TUBGCP5: variants seen among roughly 807,000 people sequenced by gnomAD.
TUBGCP5 encodes gamma-tubulin complex component 5.
A neutral mutation model predicts 134.7 loss-of-function variants in TUBGCP5; 98 were observed. That is an observed-to-expected ratio of 0.73 (90% confidence interval 0.62 to 0.86). The LOEUF is 0.86. TUBGCP5 is among the 40% of genes least tolerant of loss of function. The probability of loss-of-function intolerance (pLI) is 0.00; values close to 1 mark genes in which losing one functional copy is unlikely to be tolerated. For missense variants in TUBGCP5, 1,150 were observed against 1,244.8 expected, an observed-to-expected ratio of 0.92 and a Z score of 1.15; for synonymous variants, 456 against 431.4, an observed-to-expected ratio of 1.06 and a Z score of -0.71.
At chr15:23,000,732 A>T in intron 21 of TUBGCP5, 63 bp from the exon 22 acceptor site, 1 of 1,196,698 alleles carries the variant, frequency 8.4e-7, no homozygotes, top group Non-Finnish European at 1.2e-6. Context: ...AGGCTTCAAG[A>T]TATCTGTGGA....
At position 23,013,330 on chromosome 15, in the gene TUBGCP5, G is replaced by A. The variant is rs1191865723; in HGVS notation, c.1757-1999C>T. On this transcript the variant is annotated intron_variant, in intron 13 of 22. Transcript: ENST00000615383. The surrounding 1 kb of genome is among the most constrained non-coding windows in gnomAD (Gnocchi z 4.5). ...TAGCCGGGCACGGTGGTGTGCGCCTGTAGTCCCAGCTGCTGGGGAGGCTGA... is the reference window on the plus strand; with the variant it reads ...TAGCCGGGCACGGTGGTGTGCGCCTATAGTCCCAGCTGCTGGGGAGGCTGA... 2.0e-5 allele frequency among the ~76,000 whole-genome samples: 3 copies of A among 151,848 alleles called. No individual in the cohort carries two copies. The highest frequency in any genetic ancestry group is 6.6e-5 in the Admixed American group (1 of 15,258).
At chr15:23,035,562 T>C (rs1348773485) in intron 3 of TUBGCP5, among the ~76,000 whole-genome samples, 3 of 152,086 alleles carry the variant, frequency 2.0e-5, no homozygotes, top group Non-Finnish European at 4.4e-5. Context: ...TTTGCTCTCC[T>C]ATGAGAATCT....
At chr15:23,009,386 A>C (rs1045059929) in intron 15 of TUBGCP5, among the ~76,000 whole-genome samples, 1 of 151,272 alleles carries the variant, frequency 6.6e-6, no homozygotes, top group Non-Finnish European at 1.5e-5. Flanking sequence ...CTCCTGCCCC[A>C]GCCTCCAGAG....
chr15:23,012,856 C>G (rs548276152), intron 13 of TUBGCP5, among the ~76,000 whole-genome samples: 1 of 152,264 alleles, frequency 6.6e-6, no homozygotes, highest in African/African-American at 2.4e-5. Flanking sequence ...CTTGTAATCC[C>G]AGCACTTTAA....
At chr15:23,023,727 A>G (rs2065837419) in intron 10 of TUBGCP5, 2 of 426,832 alleles carry the variant, frequency 4.7e-6, no homozygotes, top group Non-Finnish European at 8.2e-6. Context: ...CTGGTGCAGG[A>G]AGAATAATTT....
intron 18 of TUBGCP5, 73 bp from the exon 19 acceptor site, chr15:23,005,683 C>G: frequency 6.8e-7 from 1 of 1,462,520 alleles, no homozygotes; most frequent in Non-Finnish European, 9.4e-7. Flanking sequence ...TGACGCCTGG[C>G]AGAAACACTG....
chr15:23,003,643 T>G (rs866142478), intron 20 of TUBGCP5, among the ~76,000 whole-genome samples: 17 of 111,762 alleles, frequency 1.5e-4, no homozygotes, highest in East Asian at 6.8e-4. Context: ...TTTTTTTTTT[T>G]TTTTTTTTTT....
At position 22,988,490 on chromosome 15, in the gene TUBGCP5, T is replaced by C. The variant is rs143355221; in HGVS notation, c.*62-4879A>G. 9.6e-4 allele frequency among the ~76,000 whole-genome samples: 145 copies of C among 151,652 alleles called. No individual in the cohort carries two copies. In the East Asian group the frequency reaches 0.015, roughly 15 times the overall value. ...GGCTGAAGCCTGTAATCCCAGCACT[T>C]TGGGAGGCCAAGGCGGGCGTATCAC... On this transcript the variant is annotated intron_variant and NMD_transcript_variant, in intron 23 of 23. Transcript: ENST00000614508.
Position 23,013,249 on chromosome 15 carries a change from G to A in TUBGCP5, c.1757-1918C>T, listed in dbSNP as rs965174591. ...GGGCGGATCATGAGGTCAGGGGATC[G>A]AGACCATACTGGCTAGTATGGTAAA... On this transcript the variant is annotated intron_variant, in intron 13 of 22. Coordinates refer to ENST00000615383, the MANE Select transcript of TUBGCP5 (RefSeq NM_052903.6). This position sits in a 1 kb window ranked among gnomAD's most constrained non-coding sequence, Gnocchi z 4.5. Among the ~76,000 whole-genome samples the A allele has an allele frequency of 6.6e-6, 1 of 151,874 alleles. No homozygotes were observed. The highest frequency in any genetic ancestry group is 2.4e-5 in the African/African-American group (1 of 41,322).
downstream of TUBGCP5, among the ~76,000 whole-genome samples, chr15:22,998,095 A>T (rs1176092423): frequency 6.6e-6 from 1 of 151,990 alleles, no homozygotes. Context: ...CGGGTGGATC[A>T]CCTGAGGCCA....
At chr15:23,032,236 T>G (rs1387063280) in intron 4 of TUBGCP5, among the ~76,000 whole-genome samples, 2 of 152,188 alleles carry the variant, frequency 1.3e-5, no homozygotes, top group East Asian at 3.9e-4. Flanking sequence ...TTTCTACAGC[T>G]GAAGGTAGTT....
chr15:23,005,285 C>T, intron 19 of TUBGCP5, 147 bp downstream of exon 19: 1 of 893,630 alleles, frequency 1.1e-6, no homozygotes, highest in Non-Finnish European at 1.7e-6. Flanking sequence ...CCTCCCACTG[C>T]CATGTTATTT....
At chr15:23,018,921 C>T (rs962325280) in intron 12 of TUBGCP5, among the ~76,000 whole-genome samples, 1 of 152,176 alleles carries the variant, frequency 6.6e-6, no homozygotes, top group Non-Finnish European at 1.5e-5. Context: ...ATCATCTAAA[C>T]TCATTTTATG....
At chr15:23,034,884 T>C (rs1002181999) in intron 3 of TUBGCP5, among the ~76,000 whole-genome samples, 2 of 151,510 alleles carry the variant, frequency 1.3e-5, no homozygotes, top group Non-Finnish European at 2.9e-5. Context: ...ATAATAAAAA[T>C]GGCAAAACCA....
At chr15:22,997,023 CAT>C (rs1162471533), downstream of TUBGCP5, 3 of 151,866 alleles carry the variant, frequency 2.0e-5, no homozygotes, top group Non-Finnish European at 4.4e-5. Flanking sequence ...ACACTCTGAA[CAT>C]AGTTACTTCT....
chr15:23,004,567 C>A (rs2064591836), intron 19 of TUBGCP5: 1 of 197,250 alleles, frequency 5.1e-6, no homozygotes, highest in Non-Finnish European at 1.0e-5. Flanking sequence ...AAATGTGTTA[C>A]TTTTATACAA....
chr15:23,012,168 T>C (rs2065074836), intron 13 of TUBGCP5, among the ~76,000 whole-genome samples: 1 of 151,320 alleles, frequency 6.6e-6, no homozygotes, highest in South Asian at 2.1e-4. Flanking sequence ...TTGAAATTTA[T>C]TACAATACTG....
chr15:23,008,558 T>A, intron 16 of TUBGCP5, 141 bp downstream of exon 16: 1 of 1,127,772 alleles, frequency 8.9e-7, no homozygotes. Context: ...GTGCCTGGCC[T>A]CCATTTTCTA....
At chr15:23,034,117 G>A (rs1257802439) in intron 3 of TUBGCP5, among the ~76,000 whole-genome samples, 1 of 152,194 alleles carries the variant, frequency 6.6e-6, no homozygotes. Flanking sequence ...TGTTGTACTA[G>A]TCTGTTTAGA....
Sources: allele counts gnomAD v4.1 joint callset (sites outside exome capture counted in the v4.1 genomes callset), GRCh38; gene constraint gnomAD v4.1.1; non-coding constraint Gnocchi (gnomAD v3.1); transcripts MANE v1.5; gene names NCBI Gene and HGNC (gene_info 2026-07-23, HGNC 2026-07-21).